Variants in KLHL3 observed in about 807,000 individuals in gnomAD.
The protein encoded by KLHL3 is kelch-like protein 3.
KLHL3 carries 19 observed loss-of-function variants against 70.5 expected under a neutral mutation model. The observed-to-expected ratio is 0.27, with a 90% CI of 0.19 to 0.40. The LOEUF is 0.40. Ranked by LOEUF, KLHL3 falls within the 10% of genes least tolerant of loss-of-function variation. The pLI is 1.00. For missense variants in KLHL3, 512 were observed against 771.1 expected (o/e 0.66, Z 3.98); for synonymous variants, 258 against 290.3 (o/e 0.89, Z 1.13).
rs767675137 is a variant in KLHL3, at chr5:137,709,753, T to C, written c.238A>G (p.Thr80Ala). ...ACSPYFCAMF[T>A]GDMSESKAKK... is the part of the protein sequence containing the mutation. The stretch of plus-strand genomic sequence containing the variant: ...TAATGGTGGCCACTCACCATACCTG[T>C]GAACATCGCACAGAAGTAGGGGCTG... Residue 80 changes from threonine (T) to alanine (A), a missense_variant, in exon 3 of 15, where the codon ACA becomes GCA. Coordinates refer to ENST00000309755, the MANE Select transcript of KLHL3 (RefSeq NM_017415.3). 1.1e-5 allele frequency: 18 copies of C among 1,613,264 alleles called. No homozygotes were observed. Among genetic ancestry groups the C allele is most frequent in the Non-Finnish European group, 1.4e-5 (17 of 1,179,244 alleles).
intron 1 of KLHL3, among the ~76,000 whole-genome samples, chr5:137,728,481 C>G (rs1017486539): frequency 2.6e-5 from 4 of 152,126 alleles, no homozygotes; most frequent in Admixed American, 6.5e-5. Flanking sequence ...ACCTCACGTT[C>G]AGAGAGGAGT....
At position 137,639,737 on chromosome 5, in the gene KLHL3, G is replaced by T; in HGVS notation, c.1021+123C>A. On this transcript the variant is annotated intron_variant, in intron 9 of 14. Coordinates refer to ENST00000309755, the MANE Select transcript of KLHL3 (RefSeq NM_017415.3). The surrounding 1 kb of genome is among the most constrained non-coding windows in gnomAD (Gnocchi z 5.0). ...AAAAAAAAAAAAAAAGTGTGCAGGA[G>T]GGAAACGAATGGGAGCCTGAAATGC... 1.5e-6 allele frequency: 1 copy of T among 672,970 alleles called. No individual in the cohort carries two copies. 41.7% of individuals were successfully genotyped at this position (672,970 alleles called of 1,614,324 possible).
At chr5:137,715,820 C>A (rs1277091865) in intron 2 of KLHL3, among the ~76,000 whole-genome samples, 1 of 152,228 alleles carries the variant, frequency 6.6e-6, no homozygotes, top group Non-Finnish European at 1.5e-5. Flanking sequence ...TATTCAACAA[C>A]AGTAATATAT....
intron 2 of KLHL3, among the ~76,000 whole-genome samples, chr5:137,720,158 G>A (rs1379465500): frequency 6.6e-6 from 1 of 152,062 alleles, no homozygotes; most frequent in Admixed American, 6.6e-5. Context: ...AAATTAGCTG[G>A]GCGTGGTGGC....
intron 8 of KLHL3, among the ~76,000 whole-genome samples, chr5:137,657,415 A>T (rs1751370448): frequency 6.6e-6 from 1 of 152,168 alleles, no homozygotes; most frequent in Non-Finnish European, 1.5e-5. Context: ...ACAGGACTTT[A>T]GGGATCGAGT....
At position 137,658,195 on chromosome 5, in the gene KLHL3, A is replaced by T; in HGVS notation, c.839T>A (p.Leu280Gln). ...GTTCTTAATCAATAGTCTCTGATCCAGAGGGAGGAGATGGTATTTCATGGC... is the reference window on the plus strand; with the variant it reads ...GTTCTTAATCAATAGTCTCTGATCCTGAGGGAGGAGATGGTATTTCATGGC... ...IEAMKYHLLPLDQRLLIKNPR... is the reference protein window; with the variant it reads ...IEAMKYHLLPQDQRLLIKNPR... The change falls in exon 8 of 15, where the codon CTG becomes CAG. Residue 280 changes from leucine (L) to glutamine (Q), a missense_variant. Coordinates refer to ENST00000309755, the MANE Select transcript of KLHL3 (RefSeq NM_017415.3). 6.2e-7 allele frequency: 1 copy of T among 1,613,874 alleles called. No individual in the cohort carries two copies.
chr5:137,634,599 A>C (rs1457180093), intron 11 of KLHL3, among the ~76,000 whole-genome samples: 1 of 152,236 alleles, frequency 6.6e-6, no homozygotes, highest in Admixed American at 6.5e-5. Context: ...CAGATGAAGT[A>C]AATATGGAAA....
chr5:137,656,781 G>C (rs941383613), intron 8 of KLHL3, among the ~76,000 whole-genome samples: 2 of 152,242 alleles, frequency 1.3e-5, no homozygotes, highest in African/African-American at 4.8e-5. Context: ...GGTTTACAAA[G>C]GTGAAGCCAG....
chr5:137,655,842 T>A (rs1751326473), intron 8 of KLHL3, among the ~76,000 whole-genome samples: 1 of 150,898 alleles, frequency 6.6e-6, no homozygotes, highest in African/African-American at 2.4e-5. Flanking sequence ...AGAAAAAAAA[T>A]TAGCTGGGTG....
rs116311330 is a variant in KLHL3 at position 137,705,389 on chromosome 5, T to C, written c.241+4361A>G. The stretch of plus-strand genomic sequence containing the variant: ...ATGGTTCTGCCTTGTGGATGATTCC[T>C]GCCTACTCCAAGTCTAAGCCCCTTG... On this transcript the variant is annotated intron_variant, in intron 3 of 14. Coordinates refer to ENST00000309755, the MANE Select transcript of KLHL3 (RefSeq NM_017415.3). Among the ~76,000 whole-genome samples the C allele has an allele frequency of 5.1e-3, 776 of 152,340 alleles. 2 individuals carry two copies. Among genetic ancestry groups the C allele is most frequent in the Non-Finnish European group, 8.3e-3 (564 of 68,012 alleles).
At position 137,634,089 on chromosome 5, in the gene KLHL3, C is replaced by T. The variant is rs1399725679; in HGVS notation, c.1398G>A (p.Ala466=). 4 of 1,614,164 alleles carry T rather than the reference C, an allele frequency of 2.5e-6. No homozygotes were observed. The highest frequency in any genetic ancestry group is 3.4e-6 in the Non-Finnish European group (4 of 1,180,044). The change falls in exon 12 of 15, where the codon GCG becomes GCA. Residue 466 remains alanine, a synonymous_variant. Transcript: ENST00000309755. ...CCGCCACGTATATCCATTCATTGGT[C>T]GCTGGGTTGTACTGCTCCACAGTGC... is the stretch of plus-strand genomic sequence containing the variant. ...CLSTVEQYNP[A]TNEWIYVADM... is the part of the protein sequence containing the mutation.
intron 1 of KLHL3, among the ~76,000 whole-genome samples, chr5:137,731,229 T>C (rs1310879182): frequency 6.6e-6 from 1 of 152,224 alleles, no homozygotes; most frequent in Non-Finnish European, 1.5e-5. Context: ...GTTGAAAACC[T>C]TACTTTGTCA....
At chr5:137,625,145 C>CT (rs1750427291) in intron 14 of KLHL3, among the ~76,000 whole-genome samples, 1 of 152,240 alleles carries the variant, frequency 6.6e-6, no homozygotes, top group Non-Finnish European at 1.5e-5. Context: ...CACTCTGTTC[C>CT]TAACACACTG....
rs1753253256 is a variant in KLHL3 at position 137,735,875 on chromosome 5, C to T, written c.-229G>A. The T allele has an allele frequency of 6.6e-6, 4 of 606,350 alleles. No individual in the cohort carries two copies. The highest frequency in any genetic ancestry group is 1.2e-5 in the Non-Finnish European group (4 of 335,442). The allele number at this position is 606,350 out of a possible 1,614,324, so 37.6% of individuals were successfully genotyped here. A position where few individuals can be genotyped will look rare whatever the true frequency, so the allele number is the denominator to read the frequency against. On this transcript the variant is annotated 5_prime_UTR_variant, in exon 1 of 15. Coordinates refer to ENST00000309755, the MANE Select transcript of KLHL3 (RefSeq NM_017415.3). Reference sequence around the variant, plus strand: ...ACAGAAAATGTCTTACCCAGAGCTCCCTGCAGCCCTTTCAGCTGCTAAAAG... The same window carrying T: ...ACAGAAAATGTCTTACCCAGAGCTCTCTGCAGCCCTTTCAGCTGCTAAAAG...
intron 6 of KLHL3, among the ~76,000 whole-genome samples, chr5:137,674,509 A>C (rs191063212): frequency 1.1e-3 from 172 of 152,280 alleles, no homozygotes; most frequent in Non-Finnish European, 2.1e-3. Context: ...CATTTCCTCT[A>C]TTTTAAGGCG....
intron 10 of KLHL3, 84 bp from the exon 11 acceptor site, chr5:137,637,479 C>A: frequency 8.3e-7 from 1 of 1,198,446 alleles, no homozygotes; most frequent in East Asian, 2.4e-5. Flanking sequence ...GGGGAGGAGT[C>A]CAAATGCATG....
intron 11 of KLHL3, among the ~76,000 whole-genome samples, chr5:137,636,985 C>T (rs183784339): frequency 2.0e-5 from 3 of 152,322 alleles, no homozygotes; most frequent in Non-Finnish European, 2.9e-5. Context: ...GGATTCCCTA[C>T]TCCCTTCCCT....
intron 6 of KLHL3, chr5:137,671,755 A>G (rs1751765004): frequency 6.6e-6 from 1 of 152,166 alleles, no homozygotes; most frequent in South Asian, 2.1e-4. Context: ...AGCTTCCAAA[A>G]TGGGTAAAAC....
intron 5 of KLHL3, among the ~76,000 whole-genome samples, chr5:137,677,910 A>C (rs954355130): frequency 6.6e-6 from 1 of 152,126 alleles, no homozygotes; most frequent in Non-Finnish European, 1.5e-5. Flanking sequence ...GACAGATCTG[A>C]GTTTGTATTT....
Sources: gnomAD v4.1 joint callset for allele counts (sites outside exome capture counted in the v4.1 genomes callset) on GRCh38, gnomAD v4.1.1 for gene constraint, Gnocchi (gnomAD v3.1) non-coding constraint, MANE v1.5 for transcripts, NCBI Gene and HGNC (gene_info 2026-07-23, HGNC 2026-07-21) for gene names.